The following ACAP2 variants were observed in gnomAD, a reference collection of about 807,000 sequenced individuals.
ACAP2 encodes the protein arf-GAP with coiled-coil, ANK repeat and PH domain-containing protein 2.
In ACAP2, 39 loss-of-function variants were observed where a neutral mutation model predicts 115.8. That is an observed-to-expected ratio of 0.34 (90% confidence interval 0.26 to 0.44). The LOEUF (loss-of-function observed/expected upper bound fraction) is 0.44, where lower values mean the gene tolerates loss of function less well. ACAP2 is among the 20% of genes least tolerant of loss of function. The pLI is 1.00. For synonymous variants in ACAP2, 289 were observed against 315.8 expected (o/e 0.92, Z 0.90); for missense variants, 662 against 927.6 (o/e 0.71, Z 3.72).
chr3:195,358,291 C>T (rs1732122885), intron 4 of ACAP2, among the ~76,000 whole-genome samples: 1 of 152,062 alleles, frequency 6.6e-6, no homozygotes, highest in South Asian at 2.1e-4. Context: ...ACTGTGAAGC[C>T]TACAATAAAT....
At chr3:195,377,379 A>C (rs1733625344) in intron 4 of ACAP2, among the ~76,000 whole-genome samples, 1 of 152,040 alleles carries the variant, frequency 6.6e-6, no homozygotes, top group Non-Finnish European at 1.5e-5. Flanking sequence ...TCCAGGGCTC[A>C]AGCAATCAAA....
chr3:195,368,252 C>T (rs1044898633), intron 4 of ACAP2, among the ~76,000 whole-genome samples: 14 of 152,072 alleles, frequency 9.2e-5, no homozygotes, highest in African/African-American at 2.7e-4. Context: ...CGGGTTCAAG[C>T]GATTCTTCTG....
intron 8 of ACAP2, among the ~76,000 whole-genome samples, chr3:195,330,870 T>C (rs902060149): frequency 2.0e-5 from 3 of 152,170 alleles, no homozygotes; most frequent in Non-Finnish European, 4.4e-5. Context: ...ATATCTTTCA[T>C]TCTCCTTTCC....
At chr3:195,364,098 CAAAT>C (rs1732551923) in intron 4 of ACAP2, among the ~76,000 whole-genome samples, 1 of 152,112 alleles carries the variant, frequency 6.6e-6, no homozygotes, top group African/African-American at 2.4e-5. Context: ...CAAAAGTGGA[CAAAT>C]GGAATCACAT....
At chr3:195,423,181 G>A (rs1008240862) in intron 1 of ACAP2, among the ~76,000 whole-genome samples, 5 of 152,032 alleles carry the variant, frequency 3.3e-5, no homozygotes, top group Admixed American at 1.3e-4. Flanking sequence ...CATGTGAGAT[G>A]TATTTTATAT....
At chr3:195,402,561 A>G (rs1240588894) in intron 1 of ACAP2, among the ~76,000 whole-genome samples, 2 of 152,172 alleles carry the variant, frequency 1.3e-5, no homozygotes, top group African/African-American at 4.8e-5. Context: ...GAAAAGGAAA[A>G]TTTTTATAAT....
At chr3:195,327,911 A>G (rs1729902494) in intron 8 of ACAP2, among the ~76,000 whole-genome samples, 1 of 152,060 alleles carries the variant, frequency 6.6e-6, no homozygotes, top group Non-Finnish European at 1.5e-5. Flanking sequence ...AGCCAGGGTG[A>G]CAGTGCAAGA....
chr3:195,442,386 G>A (rs1361383109), intron 1 of ACAP2: 1 of 253,776 alleles, frequency 3.9e-6, no homozygotes, highest in Non-Finnish European at 7.6e-6. Flanking sequence ...GAGGGGGTGG[G>A]GAGGGGGTGG....
intron 1 of ACAP2, among the ~76,000 whole-genome samples, chr3:195,396,819 A>T (rs1375891886): frequency 4.1e-5 from 6 of 146,342 alleles, no homozygotes; most frequent in Admixed American, 6.8e-5. Flanking sequence ...AAAAAAGAAG[A>T]AGTATGCTAA....
chr3:195,433,928 GTTTGTTTCATT>G (rs1476861033), intron 1 of ACAP2, among the ~76,000 whole-genome samples: 1 of 151,916 alleles, frequency 6.6e-6, no homozygotes, highest in Non-Finnish European at 1.5e-5. Flanking sequence ...TTTTTGGTGG[GTTTGTTTCATT>G]TTTGTTTTGA....
chr3:195,298,784 A>G (rs998176936), intron 15 of ACAP2, among the ~76,000 whole-genome samples: 1 of 152,030 alleles, frequency 6.6e-6, no homozygotes, highest in African/African-American at 2.4e-5. Context: ...AGCATGCACC[A>G]CCACGCCTGG....
At chr3:195,315,086 G>A (rs1482150837) in intron 10 of ACAP2, among the ~76,000 whole-genome samples, 1 of 152,202 alleles carries the variant, frequency 6.6e-6, no homozygotes, top group Non-Finnish European at 1.5e-5. Flanking sequence ...CAATGCAGAG[G>A]CTCACTGCAG....
chr3:195,389,980 G>T (rs1734555321), intron 2 of ACAP2, among the ~76,000 whole-genome samples: 2 of 152,330 alleles, frequency 1.3e-5, no homozygotes, highest in South Asian at 4.1e-4. Context: ...CGGATTGCCT[G>T]AGCACAGGAG....
At chr3:195,350,650 A>G (rs1195757433) in intron 4 of ACAP2, among the ~76,000 whole-genome samples, 1 of 66,826 alleles carries the variant, frequency 1.5e-5, no homozygotes, top group Non-Finnish European at 2.6e-5. Flanking sequence ...CTGTCTCAGG[A>G]AAAAAAAAAA....
At chr3:195,295,924 C>A in intron 16 of ACAP2, 32 bp from the exon 17 acceptor site, 1 of 1,571,388 alleles carries the variant, frequency 6.4e-7, no homozygotes, top group South Asian at 1.2e-5. Flanking sequence ...TGATGTTTTG[C>A]TTAATCTCTC....
At chr3:195,386,559 G>A (rs188074836) in intron 2 of ACAP2, among the ~76,000 whole-genome samples, 266 of 152,152 alleles carry the variant, frequency 1.7e-3, no homozygotes, top group African/African-American at 6.1e-3. Flanking sequence ...ACCAAACACC[G>A]CGTGTTCTCA....
chr3:195,313,777 A>G (rs540597515), intron 10 of ACAP2, among the ~76,000 whole-genome samples: 2 of 152,208 alleles, frequency 1.3e-5, no homozygotes, highest in Non-Finnish European at 2.9e-5. Flanking sequence ...CACTAAATAA[A>G]TTATGTTAGT....
chr3:195,318,245 T>A (rs1158284954), intron 10 of ACAP2, among the ~76,000 whole-genome samples: 4 of 152,140 alleles, frequency 2.6e-5, no homozygotes, highest in Admixed American at 1.3e-4. Flanking sequence ...TTTATAGCAG[T>A]GTGAACATGG....
intron 13 of ACAP2, among the ~76,000 whole-genome samples, chr3:195,302,403 TAATA>T (rs1728123296): frequency 6.6e-6 from 1 of 152,004 alleles, no homozygotes; most frequent in Admixed American, 6.6e-5. Flanking sequence ...AAATTATATA[TAATA>T]AATGACACAA....
Sources: gnomAD v4.1 joint callset for allele counts (sites outside exome capture counted in the v4.1 genomes callset) on GRCh38, gnomAD v4.1.1 for gene constraint, MANE v1.5 for transcripts, NCBI Gene and HGNC (gene_info 2026-07-23, HGNC 2026-07-21) for gene names.